Variants in TUT1 observed in about 807,000 individuals in gnomAD.
The protein encoded by TUT1 is terminal uridylyl transferase 1, U6 snRNA-specific.
In TUT1, 26 loss-of-function variants were observed where a neutral mutation model predicts 48.8. The observed-to-expected ratio is 0.53, with a 90% confidence interval of 0.39 to 0.74. The LOEUF (loss-of-function observed/expected upper bound fraction) is 0.74. Among genes scored for constraint, TUT1 ranks in the 30% least tolerant of loss-of-function variants. The pLI, the probability that TUT1 is intolerant of heterozygous loss-of-function variation, is 0.00. For missense variants in TUT1, 1,065 were observed against 1,114.8 expected (o/e 0.96, Z 0.64); for synonymous variants, 470 against 460.8 (o/e 1.02, Z -0.26).
intron 5 of TUT1, among the ~76,000 whole-genome samples, chr11:62,578,063 CA>C (rs200086998): frequency 7.9e-4 from 85 of 107,094 alleles, no homozygotes; most frequent in Non-Finnish European, 1.3e-3. Flanking sequence ...CTCCGTCTCA[CA>C]AAAAAAAAAA....
In TUT1 at chr11:62,578,575, G is replaced by C; in HGVS notation, c.1146C>G (p.Val382=). The C allele has an allele frequency of 6.2e-7, 1 of 1,601,930 alleles. No homozygotes were observed. The change falls in exon 5 of 9, where the codon GTC becomes GTG. Residue 382 remains valine (V), a synonymous_variant. Transcript: ENST00000476907. ...CHRPSGLHGD[V]SLSNRLALHN... is the part of the protein sequence containing the mutation. Reference sequence around the variant, plus strand: ...AAGAAAGGTACCGGTTACTGAGGGAGACATCACCGTGGAGACCTGAAGGCC... The same window carrying C: ...AAGAAAGGTACCGGTTACTGAGGGACACATCACCGTGGAGACCTGAAGGCC...
At position 62,577,031 on chromosome 11, in the gene TUT1, C is replaced by T; in HGVS notation, c.1271-14G>A. ...GGGGGCCACTCCCTGGGTAAATAAG[C>T]AATAATTCCGGTTAGATCAGAGGTG... On this transcript the variant is annotated splice_polypyrimidine_tract_variant and intron_variant, in intron 6 of 8. Transcript: ENST00000476907. 1.9e-6 allele frequency: 3 copies of T among 1,612,360 alleles called. No individual in the cohort carries two copies. Among genetic ancestry groups the T allele is most frequent in the Non-Finnish European group, 2.5e-6 (3 of 1,178,528 alleles).
chr11:62,583,119 C>A lies in TUT1; in HGVS notation c.274-1418G>T, dbSNP rs1026540749. ...CTCCAGCCTGGGCGACAGTGGGAGA[C>A]TCTGTCTCCAAAAAAAAAAAAAAAA... On this transcript the variant is annotated intron_variant, in intron 2 of 8. Coordinates refer to ENST00000476907, the MANE Select transcript of TUT1 (RefSeq NM_022830.3). Among the ~76,000 whole-genome samples, 4 of 132,100 alleles carry A rather than the reference C, an allele frequency of 3.0e-5. No individual in the cohort carries two copies. In the Admixed American group the frequency reaches 3.2e-4, roughly 10 times the overall value. 86.7% of individuals were successfully genotyped at this position (132,100 alleles called of 152,430 possible). A position where few individuals can be genotyped will look rare whatever the true frequency, so the allele number is the denominator to read the frequency against.
intron 2 of TUT1, among the ~76,000 whole-genome samples, chr11:62,586,995 G>GGACC: frequency 6.8e-6 from 1 of 146,658 alleles, no homozygotes; most frequent in Non-Finnish European, 1.5e-5. Context: ...GTAAGCCACT[G>GGACC]TGCCCAGTCG....
At chr11:62,584,971 G>A (rs1941886293) in intron 2 of TUT1, among the ~76,000 whole-genome samples, 1 of 151,070 alleles carries the variant, frequency 6.6e-6, no homozygotes, top group Non-Finnish European at 1.5e-5. Context: ...ACAGGAATCT[G>A]CCACTACGCC....
intron 4 of TUT1, among the ~76,000 whole-genome samples, 191 bp downstream of exon 4, chr11:62,580,915 A>C (rs1427815567): frequency 6.6e-6 from 1 of 152,056 alleles, no homozygotes; most frequent in Non-Finnish European, 1.5e-5. Context: ...TGGCCCTGTC[A>C]GTTCATTTTC....
rs1364720894 is a variant in TUT1, at chr11:62,575,754, T to G, written c.1965A>C (p.Gly655=). 1.9e-5 allele frequency: 30 copies of G among 1,614,142 alleles called. No homozygotes were observed. The highest frequency in any genetic ancestry group is 2.5e-5 in the Non-Finnish European group (29 of 1,180,004). ...CTACTTTGAGTCTTTTGCTTGTCCCTCCCTGAGAGGACTCCCCAGTTCCAC... is the reference window on the plus strand; with the variant it reads ...CTACTTTGAGTCTTTTGCTTGTCCCGCCCTGAGAGGACTCCCCAGTTCCAC... The part of the protein sequence containing the change: ...EGGGTGESSQ[G]GTSKRLKVDG... Residue 655 remains glycine, a synonymous_variant, in exon 9 of 9, where the codon GGA becomes GGC. Transcript: ENST00000476907.
chr11:62,579,080 G>A, intron 4 of TUT1, 50 bp from the exon 5 acceptor site: 1 of 1,360,870 alleles, frequency 7.3e-7, no homozygotes. Flanking sequence ...TCCCTAAGCA[G>A]GGATCTCTCA....
Position 62,575,727 on chromosome 11 carries a change from A to G in TUT1, c.1992T>C (p.Asp664=), listed in dbSNP as rs1241622934. 5.6e-6 allele frequency: 9 copies of G among 1,613,690 alleles called. No homozygotes were observed. Among genetic ancestry groups the G allele is most frequent in the Non-Finnish European group, 7.6e-6 (9 of 1,179,914 alleles). Residue 664 remains aspartate (D), a synonymous_variant, in exon 9 of 9, where the codon GAT becomes GAC. Coordinates refer to ENST00000476907, the MANE Select transcript of TUT1 (RefSeq NM_022830.3). ...CCTCCTCACAGCAGTTTTTCTGTCCATCTACTTTGAGTCTTTTGCTTGTCC... is the reference window on the plus strand; with the variant it reads ...CCTCCTCACAGCAGTTTTTCTGTCCGTCTACTTTGAGTCTTTTGCTTGTCC... ...QGGTSKRLKV[D]GQKNCCEEGK...
At chr11:62,577,353 C>G (rs1391503922) in intron 5 of TUT1, 62 bp from the exon 6 acceptor site, 1 of 1,329,984 alleles carries the variant, frequency 7.5e-7, no homozygotes, top group Non-Finnish European at 1.1e-6. Flanking sequence ...CCACCCCCAG[C>G]TTTCATTCCA....
intron 2 of TUT1, among the ~76,000 whole-genome samples, chr11:62,583,234 G>A (rs1221915083): frequency 1.3e-5 from 2 of 151,912 alleles, no homozygotes; most frequent in African/African-American, 4.8e-5. Flanking sequence ...AGGAATAACA[G>A]CAATATAACA....
Position 62,575,574 on chromosome 11 carries a change from G to C in TUT1, c.2145C>G (p.Pro715=). ...GGGCTCCATGCTTTCCAGTGGTCAG[G>C]GGCAGGTCCCCTGGCTGCCCAGGGC... is the stretch of plus-strand genomic sequence containing the variant. ...MQSPGQPGDL[P]LTTGKHGAPG... is the part of the protein sequence containing the mutation. Residue 715 remains proline, a synonymous_variant, in exon 9 of 9, where the codon CCC becomes CCG. Coordinates refer to ENST00000476907, the MANE Select transcript of TUT1 (RefSeq NM_022830.3). The C allele has an allele frequency of 6.2e-7, 1 of 1,614,014 alleles. No individual in the cohort carries two copies.
At chr11:62,581,745 A>T in intron 2 of TUT1, 44 bp from the exon 3 acceptor site, 1 of 1,330,964 alleles carries the variant, frequency 7.5e-7, no homozygotes, top group Admixed American at 3.8e-5. Flanking sequence ...GGAACCAAGA[A>T]TCTAAGCACG....
Position 62,591,491 on chromosome 11 carries a change from C to T in TUT1, c.-6G>A, listed in dbSNP as rs1449285537. 1.9e-6 allele frequency: 3 copies of T among 1,610,388 alleles called. No homozygotes were observed. The highest frequency in any genetic ancestry group is 1.6e-4 in the Middle Eastern group (1 of 6,076). On this transcript the variant is annotated 5_prime_UTR_variant, in exon 1 of 9. Transcript: ENST00000476907. Reference sequence around the variant, plus strand: ...TCCGAATCCACCGCCGCCATAGCGACTCTCCTGTACCGACAAAAACACAAG... The same window carrying T: ...TCCGAATCCACCGCCGCCATAGCGATTCTCCTGTACCGACAAAAACACAAG...
chr11:62,581,052 A>G (rs563453346), intron 4 of TUT1, 54 bp downstream of exon 4: 6 of 1,417,576 alleles, frequency 4.2e-6, no homozygotes, highest in South Asian at 1.2e-5. Context: ...GCCCACAGTC[A>G]CATGGCCATT....
In TUT1 at chr11:62,588,838, G is replaced by A. The variant is rs1222259842; in HGVS notation, c.273+193C>T. 2.6e-5 allele frequency among the ~76,000 whole-genome samples: 4 copies of A among 152,234 alleles called. No individual in the cohort carries two copies. In the South Asian group the frequency reaches 8.3e-4, roughly 32 times the overall value. On this transcript the variant is annotated intron_variant, in intron 2 of 8. Transcript: ENST00000476907. ...GCATCCCAAGTAGCTGGGACTACAG[G>A]CATGCGCCATCACACCCAGCTAATT...
At chr11:62,577,149 C>G in intron 6 of TUT1, 33 bp downstream of exon 6, 1 of 1,602,504 alleles carries the variant, frequency 6.2e-7, no homozygotes, top group Non-Finnish European at 8.5e-7. Flanking sequence ...CTGAGACCAA[C>G]TCAGCCCCAA....
chr11:62,577,139 C>A, intron 6 of TUT1, 43 bp downstream of exon 6: 2 of 1,600,816 alleles, frequency 1.2e-6, no homozygotes, highest in Non-Finnish European at 1.7e-6. Context: ...TGCCTTTGTC[C>A]TGAGACCAAC....
chr11:62,585,118 G>T (rs771449467), intron 2 of TUT1, among the ~76,000 whole-genome samples: 1 of 151,830 alleles, frequency 6.6e-6, no homozygotes, highest in South Asian at 2.1e-4. Flanking sequence ...CACCTGGCCC[G>T]GCCACACCCT....
Sources: allele counts gnomAD v4.1 joint callset (sites outside exome capture counted in the v4.1 genomes callset), GRCh38; gene constraint gnomAD v4.1.1; transcripts MANE v1.5; gene names NCBI Gene and HGNC (gene_info 2026-07-23, HGNC 2026-07-21).